Variants in PUM2 observed in about 807,000 individuals in gnomAD.
PUM2 encodes pumilio homolog 2.
A neutral mutation model predicts 124.5 loss-of-function variants in PUM2; 57 were observed. That is an observed-to-expected ratio of 0.46 (90% CI 0.37 to 0.57). The LOEUF is 0.57. PUM2 is among the 20% of genes least tolerant of loss of function. The pLI is 0.00. For missense variants in PUM2, 1,065 were observed against 1,290.6 expected, an observed-to-expected ratio of 0.83 and a Z score of 2.68; for synonymous variants, 460 against 446.1, an observed-to-expected ratio of 1.03 and a Z score of -0.39.
rs544733834 is a variant in PUM2 at position 20,281,918 on chromosome 2, A to G, written c.1720+1029T>C. Among the ~76,000 whole-genome samples, 3 of 152,342 alleles carry G rather than the reference A, an allele frequency of 2.0e-5. No individual in the cohort carries two copies. In the South Asian group the frequency reaches 6.2e-4, roughly 32 times the overall value. Reference sequence around the variant, plus strand: ...AAAGTTCAGAAGACACTCCCTTAGAAAACTGGCAAGCATTGTTAATAATGC... The same window carrying G: ...AAAGTTCAGAAGACACTCCCTTAGAGAACTGGCAAGCATTGTTAATAATGC... On this transcript the variant is annotated intron_variant, in intron 12 of 20. Transcript: ENST00000361078.
chr2:20,256,971 G>A (rs1487883844), intron 16 of PUM2, among the ~76,000 whole-genome samples: 1 of 148,596 alleles, frequency 6.7e-6, no homozygotes, highest in Non-Finnish European at 1.5e-5. Flanking sequence ...TTGAACCTGG[G>A]AGGCGGAGGT....
At chr2:20,320,804 A>C (rs1159132203) in intron 2 of PUM2, among the ~76,000 whole-genome samples, 2 of 152,188 alleles carry the variant, frequency 1.3e-5, no homozygotes, top group Non-Finnish European at 2.9e-5. Context: ...TGAATACTAA[A>C]GCATACTTGA....
At chr2:20,323,020 C>T (rs1041527247) in intron 2 of PUM2, among the ~76,000 whole-genome samples, 8 of 152,148 alleles carry the variant, frequency 5.3e-5, no homozygotes, top group Admixed American at 3.3e-4. Context: ...GGAAGTAGTA[C>T]TGTACAGAAG....
At chr2:20,333,562 A>G (rs978987073) in intron 1 of PUM2, among the ~76,000 whole-genome samples, 2 of 152,134 alleles carry the variant, frequency 1.3e-5, no homozygotes, top group Admixed American at 6.6e-5. Context: ...AAATTGACAA[A>G]TATCTTGTGT....
chr2:20,306,342 C>CA (rs1231904380), intron 7 of PUM2, among the ~76,000 whole-genome samples: 11 of 151,938 alleles, frequency 7.2e-5, no homozygotes, highest in Non-Finnish European at 1.2e-4. Context: ...GAAGTTCATA[C>CA]AAAAAAGCAA....
rs573910726 is a variant in PUM2 at position 20,311,272 on chromosome 2, A to T, written c.518+222T>A. Among the ~76,000 whole-genome samples, 22 of 152,226 alleles carry T rather than the reference A, an allele frequency of 1.4e-4. 3 individuals carry two copies. The highest frequency in any genetic ancestry group is 5.3e-4 in the African/African-American group (22 of 41,574). On this transcript the variant is annotated intron_variant, in intron 5 of 20. Transcript: ENST00000361078. ...GCACAGCTTCTAACATTACTCCTTC[A>T]ACAGAATGCACTGTTTCAGAGGCTG...
At chr2:20,283,312 A>G (rs1558544708) in intron 11 of PUM2, 31 bp downstream of exon 11, 2 of 1,611,210 alleles carry the variant, frequency 1.2e-6, no homozygotes, top group Non-Finnish European at 1.7e-6. Flanking sequence ...CACCAGAAAA[A>G]TATTATCCTA....
intron 1 of PUM2, chr2:20,350,080 C>G (rs1160922687): frequency 6.6e-6 from 1 of 152,220 alleles, no homozygotes; most frequent in African/African-American, 2.4e-5. Flanking sequence ...ATAACCTAAA[C>G]AAGGCGAATC....
intron 1 of PUM2, among the ~76,000 whole-genome samples, chr2:20,329,091 A>G (rs947982462): frequency 6.6e-6 from 1 of 151,042 alleles, no homozygotes; most frequent in Non-Finnish European, 1.5e-5. Context: ...ATATCACTTG[A>G]GCCTGGAAGG....
rs143104048 is a variant in PUM2 at position 20,325,334 on chromosome 2, G to A, written c.51+1976C>T. Among the ~76,000 whole-genome samples, 132 of 152,288 alleles carry A rather than the reference G, an allele frequency of 8.7e-4. 2 individuals are homozygous for A. The East Asian group carries it at 0.022, about 25-fold the overall frequency. ...GCTATCCACCAGGTAGCAGGAAACC[G>A]TGGTCACTTTTACTCTCCATATCTG... is the stretch of plus-strand genomic sequence containing the variant. On this transcript the variant is annotated intron_variant, in intron 2 of 20. Transcript: ENST00000361078.
intron 2 of PUM2, chr2:20,326,242 C>T: frequency 7.7e-7 from 1 of 1,299,920 alleles, no homozygotes; most frequent in Non-Finnish European, 1.0e-6. Context: ...AATACTTAAG[C>T]TTAAGCACCT....
chr2:20,261,331 T>C (rs1378602738), intron 14 of PUM2, among the ~76,000 whole-genome samples: 3 of 138,012 alleles, frequency 2.2e-5, no homozygotes, highest in South Asian at 4.6e-4. Flanking sequence ...GCGGAGGAGG[T>C]TGCAGTGAGC....
At chr2:20,270,278 T>C (rs1255023572) in intron 13 of PUM2, among the ~76,000 whole-genome samples, 1 of 152,218 alleles carries the variant, frequency 6.6e-6, no homozygotes, top group African/African-American at 2.4e-5. Flanking sequence ...GAGCAAGCCA[T>C]ATCTGAATTT....
intron 13 of PUM2, among the ~76,000 whole-genome samples, chr2:20,277,049 G>A (rs961526837): frequency 1.4e-4 from 21 of 152,002 alleles, no homozygotes; most frequent in Non-Finnish European, 2.2e-4. Context: ...ATTTATATCC[G>A]ATTTCTAAGC....
chr2:20,275,287 C>T (rs1669989410), intron 13 of PUM2, among the ~76,000 whole-genome samples: 1 of 151,700 alleles, frequency 6.6e-6, no homozygotes, highest in Non-Finnish European at 1.5e-5. Context: ...ATCAATTATC[C>T]CCAAAATCTA....
rs375796267 is a variant in PUM2 at position 20,312,415 on chromosome 2, T to C, written c.169A>G (p.Met57Val). Residue 57 changes from methionine to valine, a missense_variant, in exon 4 of 21, where the codon ATG (methionine) becomes GTG (valine). By Grantham distance (21) the Met-to-Val change is conservative. Around this residue, in one of 3 missense-constraint regions of PUM2, gnomAD observed 90 missense variants for 103.6 expected, o/e 0.87. Coordinates refer to ENST00000361078, the MANE Select transcript of PUM2 (RefSeq NM_015317.5). ...ETAWGASHHS[M>V]SQPIMVQRRS... is the part of the protein sequence containing the mutation. ...CTCTGTACCATAATAGGCTGGGACA[T>C]TGAATGGTCTGTTTGGAAGAAAAAA... 88 of 1,612,766 alleles carry C rather than the reference T, an allele frequency of 5.5e-5. No homozygotes were observed. Among genetic ancestry groups the C allele is most frequent in the South Asian group, 2.4e-4 (22 of 90,808 alleles).
chr2:20,263,333 A>T lies in PUM2; in HGVS notation c.2085T>A (p.Leu695=). Residue 695 remains leucine (L), a synonymous_variant, in exon 14 of 21, where the codon CTT becomes CTA. Coordinates refer to ENST00000361078, the MANE Select transcript of PUM2 (RefSeq NM_015317.5). Reference sequence around the variant, plus strand: ...GCATAATATCAGACCTATTATACCGAAGCCGGGAAGGAGGAAAGAGCTGGC... The same window carrying T: ...GCATAATATCAGACCTATTATACCGTAGCCGGGAAGGAGGAAAGAGCTGGC... ...SSSQLFPPSR[L]RYNRSDIMPS... 6.2e-7 allele frequency: 1 copy of T among 1,614,218 alleles called. No individual in the cohort carries two copies. The highest frequency in any genetic ancestry group is 8.5e-7 in the Non-Finnish European group (1 of 1,180,030).
rs1572491129 is a variant in PUM2 at position 20,248,869 on chromosome 2, C to T, written c.*2716G>A. On this transcript the variant is annotated 3_prime_UTR_variant, in exon 21 of 21. Coordinates refer to ENST00000361078, the MANE Select transcript of PUM2 (RefSeq NM_015317.5). ...TTAGACAAACTGGTCCAGAAACAAT[C>T]CCTATCAAAAGGAGACACTCAAGAG... The T allele has an allele frequency of 6.5e-6, 1 of 152,720 alleles. No individual in the cohort carries two copies. The highest frequency in any genetic ancestry group is 2.1e-4 in the South Asian group (1 of 4,818). 9.5% of individuals were successfully genotyped at this position (152,720 alleles called of 1,614,324 possible).
In PUM2 at chr2:20,273,198, A is replaced by C. The variant is rs138231277; in HGVS notation, c.1957+5385T>G. Among the ~76,000 whole-genome samples the C allele has an allele frequency of 5.3e-5, 8 of 152,374 alleles. 1 individual carries two copies. In the South Asian group the frequency reaches 1.4e-3, roughly 28 times the overall value. On this transcript the variant is annotated intron_variant, in intron 13 of 20. Coordinates refer to ENST00000361078, the MANE Select transcript of PUM2 (RefSeq NM_015317.5). ...GGCTACTGAAAATTTCAGTGGGACG[A>C]AACTATTTTTGTGCTGACTATGCAA...
Sources: allele counts gnomAD v4.1 joint callset (sites outside exome capture counted in the v4.1 genomes callset), GRCh38; gene constraint gnomAD v4.1.1; regional missense constraint gnomAD v4.1.1; transcripts MANE v1.5; gene names NCBI Gene and HGNC (gene_info 2026-07-23, HGNC 2026-07-21).